Variants in ZNF420 observed in about 807,000 individuals in gnomAD.
ZNF420 encodes the protein ATM and p53-associated KZNF protein.
In ZNF420, 31 loss-of-function variants were observed where a neutral mutation model predicts 44.7. The ratio of observed to expected loss-of-function variants is 0.69; its 90% confidence interval spans 0.52 to 0.94. ZNF420 has a LOEUF of 0.94. Among genes scored for constraint, ZNF420 ranks in the 40% least tolerant of loss-of-function variants. ZNF420 has a pLI of 0.00. For synonymous variants in ZNF420, 245 were observed against 267.4 expected, an observed-to-expected ratio of 0.92 and a Z score of 0.82; for missense variants, 681 against 827.9, an observed-to-expected ratio of 0.82 and a Z score of 2.18.
At chr19:37,015,410 C>T (rs1344484596) in intron 1 of ZNF420, among the ~76,000 whole-genome samples, 2 of 152,116 alleles carry the variant, frequency 1.3e-5, no homozygotes, top group African/African-American at 2.4e-5. Flanking sequence ...CAAGAACAGA[C>T]GCCTCCTAGG....
intron 2 of ZNF420, among the ~76,000 whole-genome samples, chr19:37,087,726 A>T (rs1968903273): frequency 6.6e-6 from 1 of 152,086 alleles, no homozygotes; most frequent in South Asian, 2.1e-4. Flanking sequence ...GCTCGCTGCA[A>T]GCTCCGCCTC....
intron 4 of ZNF420, among the ~76,000 whole-genome samples, chr19:37,096,930 G>T (rs1002851805): frequency 1.4e-5 from 2 of 146,258 alleles, no homozygotes; most frequent in Non-Finnish European, 3.0e-5. Flanking sequence ...ACAGAGTCTC[G>T]CTGTGTCACC....
At chr19:37,101,747 T>C (rs890338853) in intron 4 of ZNF420, among the ~76,000 whole-genome samples, 30 of 152,220 alleles carry the variant, frequency 2.0e-4, no homozygotes, top group African/African-American at 7.2e-4. Context: ...ATACTGGTGC[T>C]GTATGGGAGT....
intron 1 of ZNF420, among the ~76,000 whole-genome samples, chr19:37,070,520 T>C (rs574649966): frequency 6.6e-6 from 1 of 152,324 alleles, no homozygotes; most frequent in South Asian, 2.1e-4. Context: ...ATATAGTTGA[T>C]ACAGAATAAA....
At chr19:37,116,641 G>A (rs1334498577) in intron 4 of ZNF420, among the ~76,000 whole-genome samples, 7 of 152,152 alleles carry the variant, frequency 4.6e-5, no homozygotes, top group South Asian at 4.1e-4. Flanking sequence ...TGTGCGAGCC[G>A]AAGCAGGGCG....
chr19:37,058,617 A>G (rs1967802877), intron 1 of ZNF420, among the ~76,000 whole-genome samples: 1 of 152,016 alleles, frequency 6.6e-6, no homozygotes, highest in South Asian at 2.1e-4. Context: ...TCTGGCTTGG[A>G]TTCAGGCACG....
At chr19:37,009,235 A>C (rs574410792) in intron 1 of ZNF420, among the ~76,000 whole-genome samples, 2 of 152,212 alleles carry the variant, frequency 1.3e-5, no homozygotes, top group East Asian at 1.9e-4. Flanking sequence ...GGCTGGGTGC[A>C]TGGGAGGTTG....
At chr19:37,061,180 C>T (rs1219053371) in intron 1 of ZNF420, among the ~76,000 whole-genome samples, 1 of 152,196 alleles carries the variant, frequency 6.6e-6, no homozygotes, top group African/African-American at 2.4e-5. Flanking sequence ...AGCATCTGCT[C>T]TTGAATACAC....
At chr19:37,019,773 A>C (rs538932005) in intron 1 of ZNF420, among the ~76,000 whole-genome samples, 3,680 of 151,882 alleles carry the variant, frequency 0.024, 166 homozygotes, top group African/African-American at 0.084. Context: ...CTGTCACAAA[A>C]AAAAAAAAAT....
intron 4 of ZNF420, among the ~76,000 whole-genome samples, chr19:37,112,477 T>C (rs971568360): frequency 6.6e-6 from 1 of 152,190 alleles, no homozygotes; most frequent in Non-Finnish European, 1.5e-5. Flanking sequence ...CGACAAGTCC[T>C]GTAACAGCCT....
chr19:37,078,150 C>T (rs1328448710), upstream of ZNF420: 1 of 152,266 alleles, frequency 6.6e-6, no homozygotes, highest in African/African-American at 2.4e-5. Flanking sequence ...GACCCTGGGA[C>T]CACTCAGCTC....
chr19:37,010,663 C>A (rs527719077), intron 1 of ZNF420, among the ~76,000 whole-genome samples: 1 of 152,160 alleles, frequency 6.6e-6, no homozygotes, highest in Non-Finnish European at 1.5e-5. Flanking sequence ...TGGTGCGCCT[C>A]TTGCTGCGTC....
chr19:37,013,850 TGA>T, intron 1 of ZNF420, among the ~76,000 whole-genome samples: 1 of 151,838 alleles, frequency 6.6e-6, no homozygotes, highest in South Asian at 2.1e-4. Flanking sequence ...GGGCCAGGGG[TGA>T]GTTTGAGGTG....
chr19:37,046,678 G>C (rs1421324767), intron 1 of ZNF420, among the ~76,000 whole-genome samples: 1 of 152,134 alleles, frequency 6.6e-6, no homozygotes, highest in Non-Finnish European at 1.5e-5. Flanking sequence ...TTGTGTGGTG[G>C]GTTCACAAGT....
intron 4 of ZNF420, among the ~76,000 whole-genome samples, chr19:37,116,000 C>T (rs1352456790): frequency 2.6e-5 from 4 of 152,144 alleles, no homozygotes; most frequent in African/African-American, 9.7e-5. Flanking sequence ...CTTGAGTCAA[C>T]ACAGCACATG....
chr19:37,082,224 G>A (rs1201455932), intron 2 of ZNF420, among the ~76,000 whole-genome samples: 1 of 152,098 alleles, frequency 6.6e-6, no homozygotes, highest in Non-Finnish European at 1.5e-5. Context: ...GTGCAGTGGT[G>A]TGATCTCAGC....
intron 1 of ZNF420, among the ~76,000 whole-genome samples, chr19:37,066,271 C>T (rs1051268201): frequency 2.0e-5 from 3 of 151,972 alleles, no homozygotes; most frequent in Non-Finnish European, 2.9e-5. Context: ...GGTGAAACCC[C>T]GTCTCTACTA....
intron 1 of ZNF420, among the ~76,000 whole-genome samples, chr19:37,071,316 A>G (rs2146454750): frequency 6.6e-6 from 1 of 152,366 alleles, no homozygotes; most frequent in East Asian, 1.9e-4. Flanking sequence ...AGCGAGTCAC[A>G]GAATGATATA....
chr19:37,115,568 A>G (rs117513958), intron 4 of ZNF420, among the ~76,000 whole-genome samples: 3,128 of 152,092 alleles, frequency 0.021, 40 homozygotes, highest in Non-Finnish European at 0.031. Flanking sequence ...TGCTGCTAGC[A>G]CGTCTCACCT....
Sources: allele counts gnomAD v4.1 joint callset (sites outside exome capture counted in the v4.1 genomes callset), GRCh38; gene constraint gnomAD v4.1.1; transcripts MANE v1.5; gene names NCBI Gene and HGNC (gene_info 2026-07-23, HGNC 2026-07-21).